PCBP3: variants seen among roughly 807,000 people sequenced by gnomAD.
PCBP3 encodes poly(rC) binding protein 3.
Under a neutral mutation model 52.7 loss-of-function variants are expected in PCBP3, and 25 were observed. The observed-to-expected ratio is 0.47, with a 90% confidence interval of 0.35 to 0.66. The LOEUF (loss-of-function observed/expected upper bound fraction) is 0.66, where lower values mean the gene tolerates loss of function less well. PCBP3 is among the 30% of genes least tolerant of loss of function. PCBP3 has a pLI of 0.01. For synonymous variants in PCBP3, 162 were observed against 183.0 expected, an observed-to-expected ratio of 0.89 and a Z score of 0.93; for missense variants, 391 against 490.3, an observed-to-expected ratio of 0.80 and a Z score of 1.91.
intron 2 of PCBP3, among the ~76,000 whole-genome samples, chr21:45,688,414 G>T (rs1031217002): frequency 6.6e-6 from 1 of 152,136 alleles, no homozygotes; most frequent in African/African-American, 2.4e-5. Context: ...GCAACTTCTG[G>T]TAAGTCTACA....
intron 2 of PCBP3, among the ~76,000 whole-genome samples, chr21:45,692,241 A>G (rs774137702): frequency 1.6e-4 from 25 of 152,222 alleles, no homozygotes; most frequent in Admixed American, 6.5e-5. Flanking sequence ...TCAAAAAACT[A>G]GAAGAAGAAC....
intron 5 of PCBP3, among the ~76,000 whole-genome samples, chr21:45,892,469 G>T (rs936214175): frequency 5.6e-5 from 6 of 106,994 alleles, no homozygotes; most frequent in Non-Finnish European, 1.0e-4. Flanking sequence ...CTGACGGGGC[G>T]TGGGGGGGGG....
intron 2 of PCBP3, among the ~76,000 whole-genome samples, chr21:45,718,236 A>T: frequency 6.8e-6 from 1 of 147,402 alleles, no homozygotes; most frequent in African/African-American, 2.5e-5. Flanking sequence ...CTAGGTGAAG[A>T]TTTGTCAATT....
At chr21:45,673,575 T>G (rs536764202) in intron 2 of PCBP3, 1 of 152,320 alleles carries the variant, frequency 6.6e-6, no homozygotes, top group East Asian at 1.9e-4. Flanking sequence ...GCTTTGAATC[T>G]TTTTCTGCTT....
intron 4 of PCBP3, among the ~76,000 whole-genome samples, chr21:45,834,831 G>A (rs555048612): frequency 2.4e-4 from 36 of 152,372 alleles, no homozygotes; most frequent in African/African-American, 7.2e-4. Flanking sequence ...CACCTGGCAC[G>A]CTTTTCGGCA....
chr21:45,681,154 G>A (rs565861207), intron 2 of PCBP3, among the ~76,000 whole-genome samples: 2 of 152,298 alleles, frequency 1.3e-5, no homozygotes, highest in African/African-American at 4.8e-5. Context: ...CCCAGAAGGT[G>A]CCACTCTTAA....
At chr21:45,875,959 A>G (rs1264802121) in intron 5 of PCBP3, among the ~76,000 whole-genome samples, 1 of 152,148 alleles carries the variant, frequency 6.6e-6, no homozygotes, top group Non-Finnish European at 1.5e-5. Context: ...GGCTGTGCCC[A>G]TGGCCCCGCA....
chr21:45,789,875 C>T (rs1360054679), intron 4 of PCBP3, among the ~76,000 whole-genome samples: 1 of 152,158 alleles, frequency 6.6e-6, no homozygotes, highest in Non-Finnish European at 1.5e-5. Context: ...CGCAGTGGCT[C>T]ACGCCTGTAA....
rs2096150365 is a variant in PCBP3 at position 45,904,547 on chromosome 21, C to G, written c.339+3434C>G. 6.6e-6 allele frequency among the ~76,000 whole-genome samples: 1 copy of G among 152,130 alleles called. No homozygotes were observed. Among genetic ancestry groups the G allele is most frequent in the African/African-American group, 2.4e-5 (1 of 41,406 alleles). ...GTAAGGGGTAACTACTCAGAGAGTT[C>G]TGTTATAATGGTTTGTGTAAAATGT... is the stretch of plus-strand genomic sequence containing the variant. On this transcript the variant is annotated intron_variant, in intron 9 of 17. Transcript: ENST00000681687. This position sits in a 1 kb window ranked among gnomAD's most constrained non-coding sequence, Gnocchi z 4.8.
At chr21:45,812,176 T>A (rs1344469683) in intron 4 of PCBP3, among the ~76,000 whole-genome samples, 1 of 152,188 alleles carries the variant, frequency 6.6e-6, no homozygotes, top group African/African-American at 2.4e-5. Flanking sequence ...CTTCTGCACA[T>A]GCTATCATAA....
chr21:45,668,161 G>A (rs1041441508), intron 1 of PCBP3, among the ~76,000 whole-genome samples: 6 of 152,124 alleles, frequency 3.9e-5, no homozygotes, highest in South Asian at 2.1e-4. Context: ...CTGGGCATTC[G>A]CACAACCTTG....
intron 4 of PCBP3, among the ~76,000 whole-genome samples, chr21:45,838,260 T>C (rs2147933520): frequency 6.6e-6 from 1 of 152,314 alleles, no homozygotes; most frequent in Non-Finnish European, 1.5e-5. Context: ...GTTTTTGGGC[T>C]CCCCTCGCTT....
rs894543437 is a variant in PCBP3, at chr21:45,736,047, T to C, written c.-162+618T>C. Among the ~76,000 whole-genome samples, 19 of 152,368 alleles carry C rather than the reference T, an allele frequency of 1.2e-4. No individual in the cohort carries two copies. Among genetic ancestry groups the C allele is most frequent in the African/African-American group, 4.6e-4 (19 of 41,576 alleles). ...TATCCTTAAGATGTCTTTCTTTTTC[T>C]AAAGCTTATTAAAGGTCATTTTCAA... On this transcript the variant is annotated intron_variant, in intron 3 of 17. Coordinates refer to ENST00000681687, the MANE Select transcript of PCBP3 (RefSeq NM_001384156.1). The surrounding 1 kb of genome is among the most constrained non-coding windows in gnomAD (Gnocchi z 4.6).
Position 45,727,560 on chromosome 21 carries a change from C to T in PCBP3, c.-199-7832C>T, listed in dbSNP as rs116319444. Among the ~76,000 whole-genome samples the T allele has an allele frequency of 6.0e-3, 909 of 152,264 alleles. 12 individuals are homozygous for T. The highest frequency in any genetic ancestry group is 0.021 in the African/African-American group (858 of 41,544). On this transcript the variant is annotated intron_variant, in intron 2 of 17. Coordinates refer to ENST00000681687, the MANE Select transcript of PCBP3 (RefSeq NM_001384156.1). ...GCAGGGAAAGCCTCACTGTGGTCTC[C>T]ACAGGAGGAATGGGTGAGGCAGGGG...
chr21:45,824,431 T>C (rs922443111), intron 4 of PCBP3, among the ~76,000 whole-genome samples: 1 of 152,242 alleles, frequency 6.6e-6, no homozygotes, highest in Non-Finnish European at 1.5e-5. Flanking sequence ...ATCCCAGAAT[T>C]CCTAAACTTA....
intron 13 of PCBP3, among the ~76,000 whole-genome samples, chr21:45,921,812 C>CT (rs397700489): frequency 1.3e-5 from 2 of 151,422 alleles, no homozygotes; most frequent in African/African-American, 2.4e-5. Context: ...GAACGAGACC[C>CT]GTTTCAAAAA....
chr21:45,887,392 C>G (rs1273846432), intron 5 of PCBP3, among the ~76,000 whole-genome samples: 1 of 152,240 alleles, frequency 6.6e-6, no homozygotes, highest in East Asian at 1.9e-4. Flanking sequence ...CCAGCTTTGC[C>G]CTGCTCAGCT....
At chr21:45,750,983 C>T (rs2087433858) in intron 3 of PCBP3, 1 of 152,038 alleles carries the variant, frequency 6.6e-6, no homozygotes, top group African/African-American at 2.4e-5. Flanking sequence ...CCTGTTATCC[C>T]CACCCCTTGT....
chr21:45,732,154 T>C (rs920033034), intron 2 of PCBP3, among the ~76,000 whole-genome samples: 2 of 152,184 alleles, frequency 1.3e-5, no homozygotes, highest in African/African-American at 4.8e-5. Context: ...CTATGTATAG[T>C]ATTCCAGGTT....
Sources: gnomAD v4.1 joint callset for allele counts (sites outside exome capture counted in the v4.1 genomes callset) on GRCh38, gnomAD v4.1.1 for gene constraint, Gnocchi (gnomAD v3.1) non-coding constraint, MANE v1.5 for transcripts, NCBI Gene and HGNC (gene_info 2026-07-23, HGNC 2026-07-21) for gene names.